The following RNF20 variants were observed in gnomAD, a reference collection of about 807,000 sequenced individuals.
RNF20 encodes the protein E3 ubiquitin-protein ligase BRE1A.
RNF20 carries 84 observed loss-of-function variants against 126.2 expected under a neutral mutation model. The observed-to-expected ratio is 0.67, with a 90% CI of 0.56 to 0.80. RNF20 has a LOEUF of 0.80. Among genes scored for constraint, RNF20 ranks in the 30% least tolerant of loss-of-function variants. The pLI is 0.00. For missense variants in RNF20, 869 were observed against 1,188.2 expected, an observed-to-expected ratio of 0.73 and a Z score of 3.95; for synonymous variants, 400 against 414.3, an observed-to-expected ratio of 0.97 and a Z score of 0.42.
At chr9:101,535,113 T>C (rs1211489423) in intron 1 of RNF20, among the ~76,000 whole-genome samples, 1 of 152,076 alleles carries the variant, frequency 6.6e-6, no homozygotes, top group Admixed American at 6.5e-5. Context: ...TTCACCGTGT[T>C]AGGCAGGATG....
rs1252328073 is a variant in RNF20 at position 101,540,521 on chromosome 9, G to T, written c.329G>T (p.Arg110Leu). ...GAAAACATCCGTATCATCCTTAAACGTTATGATCTGGAGCAGGGCTTGGGA... is the reference window on the plus strand; with the variant it reads ...GAAAACATCCGTATCATCCTTAAACTTTATGATCTGGAGCAGGGCTTGGGA... ...FDENIRIILK[R>L]YDLEQGLGDL... Residue 110 changes from arginine to leucine, a missense_variant, in exon 4 of 20, where the codon CGT becomes CTT. This residue lies in a region of RNF20 where 157 missense variants were observed against 236.0 expected (regional missense o/e 0.67). Transcript: ENST00000389120. 1.2e-6 allele frequency: 2 copies of T among 1,613,648 alleles called. No individual in the cohort carries two copies. Among genetic ancestry groups the T allele is most frequent in the Middle Eastern group, 1.6e-4 (1 of 6,082 alleles).
Position 101,552,590 on chromosome 9 carries a change from C to G in RNF20, c.1738C>G (p.Arg580Gly), listed in dbSNP as rs764144283. ...ERERREKERE[R>G]EREREKEKER... ...AGAAAGGAGGGAGAAGGAGAGGGAA[C>G]GAGAAAGAGAACGGGAGAAGGAGAA... The change falls in exon 13 of 20, where the codon CGA (arginine) becomes GGA (glycine). Residue 580 changes from arginine to glycine, a missense_variant. This residue lies in a region of RNF20 where 231 missense variants were observed against 263.6 expected (regional missense o/e 0.88). Coordinates refer to ENST00000389120, the MANE Select transcript of RNF20 (RefSeq NM_019592.7). The G allele has an allele frequency of 6.3e-7, 1 of 1,584,070 alleles. No individual in the cohort carries two copies. The highest frequency in any genetic ancestry group is 1.4e-5 in the African/African-American group (1 of 73,892).
chr9:101,550,010 C>T (rs144527459), intron 9 of RNF20, among the ~76,000 whole-genome samples: 333 of 152,230 alleles, frequency 2.2e-3, no homozygotes, highest in African/African-American at 7.7e-3. Flanking sequence ...GGTGGCTTGC[C>T]GCCCACATCT....
chr9:101,559,310 T>C (rs1356298758), intron 16 of RNF20, among the ~76,000 whole-genome samples: 3 of 152,200 alleles, frequency 2.0e-5, no homozygotes, highest in Non-Finnish European at 4.4e-5. Context: ...CTTTATAGTA[T>C]AGGTTGAAGT....
intron 2 of RNF20, among the ~76,000 whole-genome samples, chr9:101,536,134 TAGC>T (rs1827180591): frequency 3.3e-5 from 5 of 152,250 alleles, no homozygotes; most frequent in African/African-American, 1.2e-4. Flanking sequence ...GAGGCATTCA[TAGC>T]TAATATTGGG....
intron 16 of RNF20, among the ~76,000 whole-genome samples, chr9:101,559,910 T>C (rs1024453516): frequency 6.6e-6 from 1 of 152,218 alleles, no homozygotes; most frequent in Non-Finnish European, 1.5e-5. Context: ...TCTTGTCTGA[T>C]TGCTCTGGCT....
intron 8 of RNF20, 22 bp from the exon 9 acceptor site, chr9:101,547,377 C>T (rs1422904512): frequency 1.9e-6 from 3 of 1,613,342 alleles, no homozygotes; most frequent in African/African-American, 1.3e-5. Context: ...TATTTATTCT[C>T]TATTTTTCTG....
chr9:101,553,149 A>G (rs1827476860), intron 13 of RNF20, among the ~76,000 whole-genome samples: 1 of 152,232 alleles, frequency 6.6e-6, no homozygotes, highest in South Asian at 2.1e-4. Context: ...AACTTGAACA[A>G]TATCTGATCT....
Position 101,544,791 on chromosome 9 carries a change from T to C in RNF20, c.653T>C (p.Val218Ala), listed in dbSNP as rs1827322734. The change falls in exon 6 of 20, where the codon GTG (valine) becomes GCG (alanine). Residue 218 changes from valine to alanine, a missense_variant. Around this residue, in one of 8 missense-constraint regions of RNF20, gnomAD observed 103 missense variants for 94.3 expected, o/e 1.09. Transcript: ENST00000389120. Reference protein sequence around the residue: ...SGDNLIVEEAVQELNSFLAQE... With the variant: ...SGDNLIVEEAAQELNSFLAQE... Reference sequence around the variant, plus strand: ...GATAATCTGATAGTGGAGGAAGCAGTGCAGGAGCTGAACTCTTTCCTCGCA... The same window carrying C: ...GATAATCTGATAGTGGAGGAAGCAGCGCAGGAGCTGAACTCTTTCCTCGCA... 2 of 1,610,310 alleles carry C rather than the reference T, an allele frequency of 1.2e-6. No individual in the cohort carries two copies. The highest frequency in any genetic ancestry group is 2.7e-5 in the African/African-American group (2 of 74,774).
intron 2 of RNF20, among the ~76,000 whole-genome samples, chr9:101,536,884 CAA>C (rs1827193812): frequency 6.6e-6 from 1 of 152,194 alleles, no homozygotes; most frequent in Non-Finnish European, 1.5e-5. Flanking sequence ...GGATTATAAA[CAA>C]GAGTCCAGCT....
At chr9:101,560,635 T>C (rs1385563996) in intron 16 of RNF20, 166 bp from the exon 17 acceptor site, 1 of 494,624 alleles carries the variant, frequency 2.0e-6, no homozygotes, top group East Asian at 3.4e-5. Flanking sequence ...AAGTAAAGCT[T>C]TCAGTTATCA....
chr9:101,534,349 G>A (rs113267471), intron 1 of RNF20: 22 of 152,178 alleles, frequency 1.4e-4, no homozygotes, highest in African/African-American at 4.8e-4. Context: ...TGCAGTTGAG[G>A]AAACTGAAGC....
In RNF20 at chr9:101,562,769, T is replaced by G; in HGVS notation, c.*347T>G. On this transcript the variant is annotated 3_prime_UTR_variant, in exon 20 of 20. Coordinates refer to ENST00000389120, the MANE Select transcript of RNF20 (RefSeq NM_019592.7). ...ATTCCTCCTGAAGAAATCAAGTTGG[T>G]ATTTTTGATGTGGAAAAGGGAACAA... The G allele has an allele frequency of 5.7e-6, 1 of 174,384 alleles. No individual in the cohort carries two copies. The highest frequency in any genetic ancestry group is 1.2e-5 in the Non-Finnish European group (1 of 82,756). The allele number at this position is 174,384 out of a possible 1,614,324, so 10.8% of individuals were successfully genotyped here.
chr9:101,550,810 T>C, intron 10 of RNF20, 25 bp downstream of exon 10: 1 of 1,608,494 alleles, frequency 6.2e-7, no homozygotes, highest in African/African-American at 1.3e-5. Flanking sequence ...TTGTCTTTTG[T>C]ATGTAAGCTT....
chr9:101,550,891 C>A, intron 10 of RNF20, 106 bp downstream of exon 10: 1 of 1,028,538 alleles, frequency 9.7e-7, no homozygotes, highest in Non-Finnish European at 1.5e-6. Flanking sequence ...AGCTGTCATT[C>A]ATAGAGTGGC....
Position 101,557,648 on chromosome 9 carries a change from C to T in RNF20, c.2382+52C>T, listed in dbSNP as rs528225046. ...TTCTGTTGAAATAGGGTGCTTTCTA[C>T]ATGATGATATAAGTAAAAGAATGAT... On this transcript the variant is annotated intron_variant, in intron 16 of 19. Transcript: ENST00000389120. 6.8e-6 allele frequency: 9 copies of T among 1,332,488 alleles called. No individual in the cohort carries two copies. In the African/African-American group the frequency reaches 1.2e-4, roughly 17 times the overall value. The allele number at this position is 1,332,488 out of a possible 1,614,324, so 82.5% of individuals were successfully genotyped here. A position where few individuals can be genotyped will look rare whatever the true frequency, so the allele number is the denominator to read the frequency against.
At chr9:101,549,069 T>G (rs567239637) in intron 9 of RNF20, among the ~76,000 whole-genome samples, 8 of 152,284 alleles carry the variant, frequency 5.3e-5, no homozygotes, top group African/African-American at 1.9e-4. Context: ...GGTCTCTCCC[T>G]GTGTGCGGAG....
chr9:101,558,006 C>A (rs930989169), intron 16 of RNF20, among the ~76,000 whole-genome samples: 1 of 127,662 alleles, frequency 7.8e-6, no homozygotes, highest in Non-Finnish European at 1.7e-5. Context: ...TGTGATTTTA[C>A]TTTTTTTTTT....
At chr9:101,561,838 C>T (rs898586779) in intron 18 of RNF20, 72 bp from the exon 19 acceptor site, 4 of 1,016,426 alleles carry the variant, frequency 3.9e-6, no homozygotes, top group Middle Eastern at 2.0e-4. Context: ...ACAGAAAACT[C>T]AAGTCTATTA....
Sources: gnomAD v4.1 joint callset for allele counts (sites outside exome capture counted in the v4.1 genomes callset) on GRCh38, gnomAD v4.1.1 for gene constraint, gnomAD v4.1.1 regional missense constraint, MANE v1.5 for transcripts, NCBI Gene and HGNC (gene_info 2026-07-23, HGNC 2026-07-21) for gene names.